The following FNDC3B variants were observed in gnomAD, a reference collection of about 807,000 sequenced individuals.
FNDC3B encodes fibronectin type III domain containing 3B.
FNDC3B carries 12 observed loss-of-function variants against 151.5 expected under a neutral mutation model. The observed-to-expected ratio is 0.08, with a 90% CI of 0.05 to 0.13. FNDC3B has a LOEUF of 0.13. Ranked by LOEUF, FNDC3B falls within the 10% of genes least tolerant of loss-of-function variation. The pLI is 1.00. For missense variants in FNDC3B, 1,214 were observed against 1,505.3 expected (o/e 0.81, Z 3.20); for synonymous variants, 528 against 549.0 (o/e 0.96, Z 0.54).
intron 1 of FNDC3B, among the ~76,000 whole-genome samples, chr3:172,048,378 C>T (rs542015951): frequency 2.0e-5 from 3 of 151,910 alleles, no homozygotes; most frequent in Admixed American, 6.6e-5. Flanking sequence ...TCTGATTTTT[C>T]GATCATGGTT....
At chr3:172,322,365 G>A (rs1560077284) in intron 11 of FNDC3B, among the ~76,000 whole-genome samples, 1 of 152,180 alleles carries the variant, frequency 6.6e-6, no homozygotes, top group Non-Finnish European at 1.5e-5. Flanking sequence ...GCAAAAGTTA[G>A]AAGCTGTAAC....
chr3:172,199,986 G>A (rs1576791348), intron 3 of FNDC3B, among the ~76,000 whole-genome samples: 1 of 145,194 alleles, frequency 6.9e-6, no homozygotes, highest in African/African-American at 2.6e-5. Flanking sequence ...ACACATTTCT[G>A]TTTTACAATA....
At position 172,080,584 on chromosome 3, in the gene FNDC3B, G is replaced by C. The variant is rs539481029; in HGVS notation, c.-28-31868G>C. Among the ~76,000 whole-genome samples, 5 of 152,132 alleles carry C rather than the reference G, an allele frequency of 3.3e-5. No individual in the cohort carries two copies. The South Asian group carries it at 1.0e-3, about 32-fold the overall frequency. On this transcript the variant is annotated intron_variant, in intron 1 of 25. Coordinates refer to ENST00000415807, the MANE Select transcript of FNDC3B (RefSeq NM_022763.4). Reference sequence around the variant, plus strand: ...TGAGGCACTGTACTAGGCCTGAATCGTTGAATTTTTGACTCTAGTCTTGAA... The same window carrying C: ...TGAGGCACTGTACTAGGCCTGAATCCTTGAATTTTTGACTCTAGTCTTGAA...
At chr3:172,291,348 G>A (rs1045530983) in intron 7 of FNDC3B, among the ~76,000 whole-genome samples, 2 of 152,156 alleles carry the variant, frequency 1.3e-5, no homozygotes, top group Non-Finnish European at 2.9e-5. Context: ...CTCAAAAGCA[G>A]TTTAGTTTAA....
intron 1 of FNDC3B, among the ~76,000 whole-genome samples, chr3:172,049,804 G>A (rs1348304861): frequency 6.6e-6 from 1 of 152,162 alleles, no homozygotes; most frequent in Non-Finnish European, 1.5e-5. Flanking sequence ...TGGGATTATA[G>A]GCATGAGCCA....
chr3:172,050,181 G>A (rs1399382755), intron 1 of FNDC3B, among the ~76,000 whole-genome samples: 6 of 152,020 alleles, frequency 3.9e-5, no homozygotes, highest in African/African-American at 1.4e-4. Flanking sequence ...AAGCCTAAAC[G>A]TCGGATGAAA....
In FNDC3B at chr3:172,190,443, T is replaced by C. The variant is rs1009603216; in HGVS notation, c.188-36428T>C. Among the ~76,000 whole-genome samples the C allele has an allele frequency of 2.6e-5, 4 of 152,312 alleles. No homozygotes were observed. In the East Asian group the frequency reaches 7.7e-4, roughly 29 times the overall value. ...GTTCTTCCAAATGCTAGGAATCGGA[T>C]TGCAGCATCTATTTCACTCAGCATT... On this transcript the variant is annotated intron_variant, in intron 3 of 25. Coordinates refer to ENST00000415807, the MANE Select transcript of FNDC3B (RefSeq NM_022763.4).
At chr3:172,247,090 C>A (rs1378198966) in intron 4 of FNDC3B, among the ~76,000 whole-genome samples, 1 of 152,150 alleles carries the variant, frequency 6.6e-6, no homozygotes, top group East Asian at 1.9e-4. Context: ...ATGTTGTCAG[C>A]ATATCTAGAA....
intron 16 of FNDC3B, among the ~76,000 whole-genome samples, chr3:172,340,112 G>T (rs546208144): frequency 6.6e-6 from 1 of 152,324 alleles, no homozygotes; most frequent in Admixed American, 6.5e-5. Flanking sequence ...CTGGAATTGT[G>T]AGTCAGGCAG....
At chr3:172,346,956 A>T (rs1028799859) in intron 20 of FNDC3B, among the ~76,000 whole-genome samples, 14 of 152,088 alleles carry the variant, frequency 9.2e-5, no homozygotes, top group African/African-American at 3.4e-4. Flanking sequence ...CACCCACCTC[A>T]GCCTCCCAAA....
At chr3:172,129,376 T>A (rs528709737) in intron 2 of FNDC3B, among the ~76,000 whole-genome samples, 93 of 152,358 alleles carry the variant, frequency 6.1e-4, no homozygotes, top group Non-Finnish European at 1.0e-3. Context: ...CCAGGAGTAG[T>A]CTTAGATACT....
At chr3:172,155,743 A>G (rs1042225478) in intron 3 of FNDC3B, among the ~76,000 whole-genome samples, 10 of 152,188 alleles carry the variant, frequency 6.6e-5, no homozygotes, top group African/African-American at 2.4e-4. Flanking sequence ...TAATAGGCCT[A>G]TTTCCATTTT....
Position 172,323,582 on chromosome 3 carries a change from G to T in FNDC3B, c.1255-5370G>T, listed in dbSNP as rs112977826. 5.7e-3 allele frequency among the ~76,000 whole-genome samples: 862 copies of T among 152,260 alleles called. 10 individuals carry two copies. The highest frequency in any genetic ancestry group is 0.019 in the African/African-American group (807 of 41,544). On this transcript the variant is annotated intron_variant, in intron 11 of 25. Transcript: ENST00000415807. ...TATTTCTCCCTTGTGGGGGGAAAAA[G>T]AAAAAGTCTTTGTCCTGGAGATTAT...
intron 3 of FNDC3B, chr3:172,225,968 A>C (rs1726543489): frequency 3.9e-5 from 6 of 152,214 alleles, no homozygotes; most frequent in Admixed American, 3.9e-4. Flanking sequence ...CTTTGAAATA[A>C]TCCATGTAAA....
intron 1 of FNDC3B, among the ~76,000 whole-genome samples, chr3:172,109,418 G>A (rs372202152): frequency 5.4e-5 from 8 of 148,782 alleles, no homozygotes; most frequent in Admixed American, 2.7e-4. Flanking sequence ...CGCCCGCCTC[G>A]GCCTCCCAAA....
At chr3:172,303,128 A>G (rs1731016155) in intron 9 of FNDC3B, 1 of 152,184 alleles carries the variant, frequency 6.6e-6, no homozygotes, top group Admixed American at 6.5e-5. Context: ...TGCATCTGCC[A>G]GAGAAGTATA....
intron 3 of FNDC3B, among the ~76,000 whole-genome samples, chr3:172,179,186 C>T (rs990978758): frequency 2.6e-5 from 4 of 152,046 alleles, no homozygotes; most frequent in South Asian, 2.1e-4. Flanking sequence ...CTCAGCCTCC[C>T]GAATAGCTGG....
intron 1 of FNDC3B, among the ~76,000 whole-genome samples, chr3:172,065,199 G>A (rs972996432): frequency 5.3e-5 from 8 of 152,162 alleles, no homozygotes; most frequent in Non-Finnish European, 1.2e-4. Context: ...GGGCATGGTG[G>A]CATGCACCTG....
chr3:172,255,420 C>T (rs1028094350), intron 6 of FNDC3B, among the ~76,000 whole-genome samples: 2 of 152,192 alleles, frequency 1.3e-5, no homozygotes, highest in African/African-American at 4.8e-5. Context: ...AGGCGCACAC[C>T]ACCATGCTTG....
Sources: gnomAD v4.1 joint callset for allele counts (sites outside exome capture counted in the v4.1 genomes callset) on GRCh38, gnomAD v4.1.1 for gene constraint, MANE v1.5 for transcripts, NCBI Gene and HGNC (gene_info 2026-07-23, HGNC 2026-07-21) for gene names.